EHMT1: variants seen among roughly 807,000 people sequenced by gnomAD.
EHMT1 encodes euchromatic histone lysine methyltransferase 1, also known as histone-lysine N-methyltransferase EHMT1.
A neutral mutation model predicts 147.2 loss-of-function variants in EHMT1; 15 were observed. That is an observed-to-expected ratio of 0.10 (90% CI 0.07 to 0.16). The LOEUF (loss-of-function observed/expected upper bound fraction) is 0.16. EHMT1 is among the 10% of genes least tolerant of loss of function. The probability of loss-of-function intolerance (pLI) is 1.00; values close to 1 mark genes in which losing one functional copy is unlikely to be tolerated. For missense variants in EHMT1, 1,587 were observed against 1,772.4 expected, an observed-to-expected ratio of 0.90 and a Z score of 1.88; for synonymous variants, 795 against 709.6, an observed-to-expected ratio of 1.12 and a Z score of -1.91.
chr9:137,720,051 A>G (rs1280873096), intron 3 of EHMT1, among the ~76,000 whole-genome samples: 1 of 79,260 alleles, frequency 1.3e-5, no homozygotes, highest in East Asian at 2.8e-4. Flanking sequence ...ACCAGGGCAC[A>G]GTCGAGGTGC....
intron 1 of EHMT1, among the ~76,000 whole-genome samples, chr9:137,644,616 G>A (rs971192234): frequency 3.8e-4 from 57 of 151,620 alleles, no homozygotes; most frequent in Non-Finnish European, 6.2e-4. Context: ...GTGAGCCACC[G>A]GGCCCGGCCA....
chr9:137,724,376 C>T (rs894667704), intron 3 of EHMT1, among the ~76,000 whole-genome samples: 1 of 152,178 alleles, frequency 6.6e-6, no homozygotes, highest in African/African-American at 2.4e-5. Flanking sequence ...GAGCCAGGCC[C>T]TGTGGAGATG....
chr9:137,712,557 G>T (rs947052929), intron 2 of EHMT1, among the ~76,000 whole-genome samples: 1 of 152,176 alleles, frequency 6.6e-6, no homozygotes, highest in Non-Finnish European at 1.5e-5. Flanking sequence ...GCATCATTTC[G>T]TGTGCTTACT....
chr9:137,794,463 CA>C (rs1489446591), intron 16 of EHMT1, among the ~76,000 whole-genome samples: 1 of 151,842 alleles, frequency 6.6e-6, no homozygotes, highest in Non-Finnish European at 1.5e-5. Context: ...GCCTGGACAG[CA>C]TAGTGAGACC....
chr9:137,748,274 A>C (rs962629230), intron 6 of EHMT1, among the ~76,000 whole-genome samples: 2 of 152,204 alleles, frequency 1.3e-5, no homozygotes, highest in Non-Finnish European at 2.9e-5. Flanking sequence ...ACTACAGTAC[A>C]TGTTAATAGA....
At chr9:137,660,397 G>A (rs977209980) in intron 1 of EHMT1, among the ~76,000 whole-genome samples, 2 of 152,100 alleles carry the variant, frequency 1.3e-5, no homozygotes, top group African/African-American at 4.8e-5. Flanking sequence ...TTTAGGTATT[G>A]AGCAAGCCCT....
chr9:137,636,790 A>C (rs1564527196), intron 1 of EHMT1, among the ~76,000 whole-genome samples: 1 of 149,508 alleles, frequency 6.7e-6, no homozygotes, highest in African/African-American at 2.5e-5. Flanking sequence ...ATTTGCTAGT[A>C]TTTTGTTGGG....
intron 1 of EHMT1, among the ~76,000 whole-genome samples, chr9:137,637,044 C>T (rs1301065854): frequency 6.7e-6 from 1 of 148,648 alleles, no homozygotes; most frequent in Non-Finnish European, 1.5e-5. Flanking sequence ...ACTACAGGCA[C>T]CTGCTACCAC....
At chr9:137,829,123 C>T (rs1466865150) in intron 25 of EHMT1, among the ~76,000 whole-genome samples, 1 of 152,238 alleles carries the variant, frequency 6.6e-6, no homozygotes, top group Non-Finnish European at 1.5e-5. Context: ...CGCCCACTGC[C>T]ACCACCTGTC....
At chr9:137,767,117 C>T (rs1395171401) in intron 10 of EHMT1, among the ~76,000 whole-genome samples, 1 of 152,104 alleles carries the variant, frequency 6.6e-6, no homozygotes, top group African/African-American at 2.4e-5. Context: ...GCCACCGTGC[C>T]CAGCCTACTT....
intron 17 of EHMT1, 123 bp downstream of exon 17, chr9:137,799,037 C>T (rs890227126): frequency 1.8e-5 from 15 of 828,356 alleles, no homozygotes; most frequent in Middle Eastern, 2.6e-4. Context: ...AGAGCCAGCT[C>T]GGGCCCTCCA....
intron 1 of EHMT1, among the ~76,000 whole-genome samples, chr9:137,687,099 T>C (rs1333327136): frequency 6.6e-6 from 1 of 152,190 alleles, no homozygotes; most frequent in Non-Finnish European, 1.5e-5. Flanking sequence ...CCTTATCAAA[T>C]TCATGGTCTG....
intron 1 of EHMT1, among the ~76,000 whole-genome samples, chr9:137,680,117 T>G (rs891942884): frequency 2.0e-5 from 3 of 152,206 alleles, no homozygotes; most frequent in African/African-American, 7.2e-5. Flanking sequence ...CTGTATCTTG[T>G]ATTGTGTTCC....
chr9:137,625,525 A>G (rs1589025351), intron 1 of EHMT1, among the ~76,000 whole-genome samples: 1 of 151,690 alleles, frequency 6.6e-6, no homozygotes, highest in Non-Finnish European at 1.5e-5. Flanking sequence ...TTTAGTAGAG[A>G]TGGGGTTTTG....
intron 24 of EHMT1, 109 bp from the exon 25 acceptor site, chr9:137,817,951 C>T: frequency 9.5e-7 from 1 of 1,053,532 alleles, no homozygotes. Context: ...CCTGCATGTT[C>T]TTCTGGTGTG....
In EHMT1 at chr9:137,777,864, C is replaced by T. The variant is rs181972681; in HGVS notation, c.2019-18C>T. On this transcript the variant is annotated intron_variant, in intron 12 of 26. Transcript: ENST00000460843. ...TTTCGTGTTTTCATAAACCTTTCCCCGATTTCCTCCCCTGAAGTGCTGCCG... is the reference window on the plus strand; with the variant it reads ...TTTCGTGTTTTCATAAACCTTTCCCTGATTTCCTCCCCTGAAGTGCTGCCG... 262 of 1,612,056 alleles carry T rather than the reference C, an allele frequency of 1.6e-4. 1 individual carries two copies. The South Asian group carries it at 1.9e-3, about 12-fold the overall frequency.
chr9:137,757,830 T>C (rs1949496482), intron 8 of EHMT1, 50 bp from the exon 9 acceptor site: 33 of 1,610,594 alleles, frequency 2.0e-5, no homozygotes, highest in Non-Finnish European at 2.8e-5. Flanking sequence ...TCTGGGTGGG[T>C]GCGGCCGCCT....
chr9:137,772,055 A>C (rs778778907), intron 10 of EHMT1, among the ~76,000 whole-genome samples: 5 of 152,032 alleles, frequency 3.3e-5, no homozygotes, highest in Non-Finnish European at 5.9e-5. Flanking sequence ...GCCTGTGGGC[A>C]CTGGGTATTA....
intron 18 of EHMT1, among the ~76,000 whole-genome samples, chr9:137,811,044 C>A (rs1954437689): frequency 6.6e-6 from 1 of 152,006 alleles, no homozygotes; most frequent in South Asian, 2.1e-4. Flanking sequence ...TTTTTCAAAT[C>A]TTTCAAAAGC....
Sources: gnomAD v4.1 joint callset for allele counts (sites outside exome capture counted in the v4.1 genomes callset) on GRCh38, gnomAD v4.1.1 for gene constraint, MANE v1.5 for transcripts, NCBI Gene and HGNC (gene_info 2026-07-23, HGNC 2026-07-21) for gene names.